Variants in KCNU1 observed in about 807,000 individuals in gnomAD.
KCNU1 encodes the protein potassium calcium-activated channel subfamily U member 1, also known as potassium channel subfamily U member 1.
In KCNU1, 93 loss-of-function variants were observed where a neutral mutation model predicts 126.8. The observed-to-expected ratio is 0.73, with a 90% CI of 0.62 to 0.87. The LOEUF (loss-of-function observed/expected upper bound fraction) is 0.87, where lower values mean the gene tolerates loss of function less well. KCNU1 is among the 40% of genes least tolerant of loss of function. The probability of loss-of-function intolerance (pLI) is 0.00; values close to 1 mark genes in which losing one functional copy is unlikely to be tolerated. For synonymous variants in KCNU1, 523 were observed against 494.2 expected (o/e 1.06, Z -0.77); for missense variants, 1,330 against 1,367.1 (o/e 0.97, Z 0.43).
chr8:36,912,971 A>G (rs1190207460), intron 22 of KCNU1, among the ~76,000 whole-genome samples: 1 of 151,150 alleles, frequency 6.6e-6, no homozygotes, highest in African/African-American at 2.4e-5. Flanking sequence ...AAAAAAAAAA[A>G]AAAAAAAAGC....
intron 2 of KCNU1, among the ~76,000 whole-genome samples, chr8:36,796,861 A>T (rs1450441630): frequency 5.3e-5 from 8 of 152,156 alleles, no homozygotes. Context: ...AGGAGAATGT[A>T]ATCATTTTCC....
intron 19 of KCNU1, among the ~76,000 whole-genome samples, chr8:36,873,376 A>T (rs1397238683): frequency 1.3e-5 from 2 of 152,160 alleles, no homozygotes; most frequent in Non-Finnish European, 2.9e-5. Flanking sequence ...AAAGTCAAAG[A>T]CACAACCATA....
At chr8:36,804,640 T>A (rs1803432034) in intron 3 of KCNU1, among the ~76,000 whole-genome samples, 1 of 152,162 alleles carries the variant, frequency 6.6e-6, no homozygotes, top group Non-Finnish European at 1.5e-5. Flanking sequence ...CTGAATTCCA[T>A]GTCAATCACT....
rs1330584387 is a variant in KCNU1 at position 36,931,058 on chromosome 8, A to G, written c.2844A>G (p.Ala948=). 1.2e-6 allele frequency: 2 copies of G among 1,611,772 alleles called. No homozygotes were observed. The highest frequency in any genetic ancestry group is 1.7e-5 in the Admixed American group (1 of 59,736). The stretch of plus-strand genomic sequence containing the variant: ...ATAAGGATAAAGTCTATGGTGTGGC[A>G]GATAGCTGCACGTCGCTCTTGTCTG... The part of the protein sequence containing the change: ...HLDKDKVYGV[A]DSCTSLLSGR... Residue 948 remains alanine, a synonymous_variant, in exon 25 of 27, where the codon GCA becomes GCG. Coordinates refer to ENST00000399881, the MANE Select transcript of KCNU1 (RefSeq NM_001031836.3).
chr8:36,872,287 C>T (rs1369284637), intron 19 of KCNU1, among the ~76,000 whole-genome samples: 1 of 152,142 alleles, frequency 6.6e-6, no homozygotes, highest in Non-Finnish European at 1.5e-5. Flanking sequence ...TTTCAGGTGT[C>T]AACGTATAGG....
chr8:36,872,841 G>A (rs1299691894), intron 19 of KCNU1, among the ~76,000 whole-genome samples: 1 of 152,154 alleles, frequency 6.6e-6, no homozygotes, highest in Non-Finnish European at 1.5e-5. Context: ...TCTTGGGCTG[G>A]GTGCAGTAGC....
intron 10 of KCNU1, among the ~76,000 whole-genome samples, chr8:36,820,359 G>A (rs1038017846): frequency 6.6e-6 from 1 of 152,178 alleles, no homozygotes; most frequent in Non-Finnish European, 1.5e-5. Flanking sequence ...CTTGGAACTG[G>A]TGGAGACAGA....
chr8:36,806,816 A>G (rs1380920271), intron 5 of KCNU1, among the ~76,000 whole-genome samples: 1 of 152,214 alleles, frequency 6.6e-6, no homozygotes, highest in African/African-American at 2.4e-5. Flanking sequence ...GTGCATGGAC[A>G]TTATGTAGCT....
At chr8:36,835,185 T>A (rs1804701396) in intron 12 of KCNU1, among the ~76,000 whole-genome samples, 1 of 152,174 alleles carries the variant, frequency 6.6e-6, no homozygotes, top group South Asian at 2.1e-4. Context: ...CCATTATAAC[T>A]AATATCCTCT....
chr8:36,876,119 A>T (rs917939116), intron 19 of KCNU1, among the ~76,000 whole-genome samples: 2 of 151,882 alleles, frequency 1.3e-5, no homozygotes, highest in Admixed American at 6.6e-5. Flanking sequence ...CAGTTCCAGT[A>T]TCTCCTGCCC....
chr8:36,910,823 A>C, intron 21 of KCNU1, 107 bp from the exon 22 acceptor site: 1 of 696,162 alleles, frequency 1.4e-6, no homozygotes. Context: ...CAAAGGTTGG[A>C]GCTCAAAGCT....
chr8:36,813,147 G>T (rs1803785026), intron 7 of KCNU1, among the ~76,000 whole-genome samples: 1 of 152,160 alleles, frequency 6.6e-6, no homozygotes, highest in South Asian at 2.1e-4. Flanking sequence ...TAAGACTTAA[G>T]AACAGACATA....
At chr8:36,859,376 C>T (rs1805646702) in intron 18 of KCNU1, among the ~76,000 whole-genome samples, 1 of 152,174 alleles carries the variant, frequency 6.6e-6, no homozygotes, top group Non-Finnish European at 1.5e-5. Context: ...CCTCAGTCCA[C>T]TCCCTTCAAA....
At chr8:36,789,889 C>G (rs1802844041) in intron 2 of KCNU1, among the ~76,000 whole-genome samples, 1 of 152,198 alleles carries the variant, frequency 6.6e-6, no homozygotes, top group South Asian at 2.1e-4. Flanking sequence ...AAGGAGGCTC[C>G]TATGCTAGGG....
chr8:36,789,609 G>T (rs1319574370), intron 2 of KCNU1, among the ~76,000 whole-genome samples: 1 of 152,120 alleles, frequency 6.6e-6, no homozygotes, highest in Non-Finnish European at 1.5e-5. Context: ...TCTAGTGGGG[G>T]TAGATACGAA....
intron 3 of KCNU1, 119 bp from the exon 4 acceptor site, chr8:36,805,076 A>T (rs1285724980): frequency 6.4e-6 from 4 of 628,410 alleles, no homozygotes; most frequent in Non-Finnish European, 1.1e-5. Flanking sequence ...TCTTAACTTA[A>T]GTGTCTGGAT....
intron 19 of KCNU1, among the ~76,000 whole-genome samples, chr8:36,864,791 G>C (rs1434950552): frequency 6.6e-6 from 1 of 152,104 alleles, no homozygotes; most frequent in Non-Finnish European, 1.5e-5. Flanking sequence ...AGGCACTTTA[G>C]AAATGTAAGT....
intron 14 of KCNU1, among the ~76,000 whole-genome samples, chr8:36,839,786 G>A (rs2130572053): frequency 6.6e-6 from 1 of 152,282 alleles, no homozygotes; most frequent in Non-Finnish European, 1.5e-5. Flanking sequence ...GATTCTCATG[G>A]CAGTAGGTGG....
Position 36,836,816 on chromosome 8 carries a change from C to T in KCNU1, c.1389C>T (p.Ser463=), listed in dbSNP as rs1365699398. 4.3e-6 allele frequency: 7 copies of T among 1,613,582 alleles called. No individual in the cohort carries two copies. The South Asian group carries it at 7.7e-5, about 18-fold the overall frequency. ...AGGTTTATCTGCCAAAGATTCCCAG[C>T]TGGAACTGGGACACCGGAGACAACA... is the stretch of plus-strand genomic sequence containing the variant. ...HNKVYLPKIP[S]WNWDTGDNII... Residue 463 remains serine (S), a synonymous_variant, in exon 14 of 27, where the codon AGC becomes AGT. Coordinates refer to ENST00000399881, the MANE Select transcript of KCNU1 (RefSeq NM_001031836.3).
Sources: allele counts gnomAD v4.1 joint callset (sites outside exome capture counted in the v4.1 genomes callset), GRCh38; gene constraint gnomAD v4.1.1; transcripts MANE v1.5; gene names NCBI Gene and HGNC (gene_info 2026-07-23, HGNC 2026-07-21).